Variants in OGA observed in about 807,000 individuals in gnomAD.
OGA encodes O-GlcNAcase.
A neutral mutation model predicts 102.0 loss-of-function variants in OGA; 21 were observed. The observed-to-expected ratio is 0.21, with a 90% CI of 0.15 to 0.30. The LOEUF (loss-of-function observed/expected upper bound fraction) is 0.30. Ranked by LOEUF, OGA falls within the 10% of genes least tolerant of loss-of-function variation. The pLI is 1.00. For synonymous variants in OGA, 408 were observed against 378.2 expected (o/e 1.08, Z -0.91); for missense variants, 765 against 1,107.8 (o/e 0.69, Z 4.39).
Position 101,818,081 on chromosome 10 carries a change from G to C in OGA, c.-59C>G, listed in dbSNP as rs2065666488. 1 of 1,473,102 alleles carries C rather than the reference G, an allele frequency of 6.8e-7. No individual in the cohort carries two copies. The highest frequency in any genetic ancestry group is 2.6e-5 in the East Asian group (1 of 38,956). 91.3% of individuals were successfully genotyped at this position (1,473,102 alleles called of 1,614,324 possible). ...TCCTCCTCGACCTCTGTCCGTTGGG[G>C]CACCGGCCCGGAGCCCTGGAGAGGG... On this transcript the variant is annotated 5_prime_UTR_variant, in exon 1 of 16. Transcript: ENST00000361464.
rs372242564 is a variant in OGA, at chr10:101,807,908, G to GA, written c.481-8dup. 0.05 allele frequency: 56,168 copies of GA among 1,120,720 alleles called. 11 individuals are homozygous for GA. The highest frequency in any genetic ancestry group is 0.054 in the Non-Finnish European group (45,800 of 849,132). 69.4% of individuals were successfully genotyped at this position (1,120,720 alleles called of 1,614,324 possible). On this transcript the variant is annotated splice_polypyrimidine_tract_variant and splice_region_variant and intron_variant, in intron 4 of 15. Coordinates refer to ENST00000361464, the MANE Select transcript of OGA (RefSeq NM_012215.5). ...TGCACCCAAACTGAGAAACCTAGGA[G>GA]AAAAAAAAAAAAAAGAATCAAGAGT...
intron 6 of OGA, among the ~76,000 whole-genome samples, chr10:101,805,824 G>A (rs2065463825): frequency 1.3e-5 from 2 of 152,024 alleles, no homozygotes; most frequent in East Asian, 1.9e-4. Flanking sequence ...GCGTGGTGGC[G>A]GGTGCCTGTA....
At chr10:101,795,866 G>C in intron 10 of OGA, 1 of 961,298 alleles carries the variant, frequency 1.0e-6, no homozygotes, top group Admixed American at 6.2e-5. Flanking sequence ...AACTTGTGTT[G>C]AGCCACAGGC....
intron 3 of OGA, among the ~76,000 whole-genome samples, chr10:101,812,174 C>A (rs1011717512): frequency 4.6e-5 from 7 of 152,146 alleles, no homozygotes; most frequent in Admixed American, 1.3e-4. Flanking sequence ...AAGAAAAGCA[C>A]CTCTCTAATT....
intron 1 of OGA, among the ~76,000 whole-genome samples, chr10:101,814,969 T>C (rs2065603467): frequency 6.6e-6 from 1 of 152,210 alleles, no homozygotes; most frequent in Non-Finnish European, 1.5e-5. Flanking sequence ...GTCTAACCTT[T>C]ACTTTCCACT....
intron 14 of OGA, among the ~76,000 whole-genome samples, chr10:101,790,411 T>G (rs1317822439): frequency 6.6e-6 from 1 of 151,918 alleles, no homozygotes; most frequent in East Asian, 1.9e-4. Context: ...TAGCTGGCAT[T>G]ACAGGCACCC....
intron 5 of OGA, among the ~76,000 whole-genome samples, chr10:101,806,847 G>A (rs954678357): frequency 4.6e-4 from 70 of 152,170 alleles, no homozygotes; most frequent in Non-Finnish European, 1.2e-4. Flanking sequence ...GCTGAAGCGG[G>A]TGGATCACTT....
At chr10:101,792,286 G>T (rs2065269164) in intron 12 of OGA, among the ~76,000 whole-genome samples, 1 of 152,062 alleles carries the variant, frequency 6.6e-6, no homozygotes, top group South Asian at 2.1e-4. Flanking sequence ...GGGATTACAG[G>T]CATGAGCCAC....
chr10:101,807,388 G>A (rs1050594407), intron 5 of OGA, among the ~76,000 whole-genome samples: 1 of 152,090 alleles, frequency 6.6e-6, no homozygotes, highest in African/African-American at 2.4e-5. Context: ...CAGAAAAAGG[G>A]GACAAGTAGG....
intron 12 of OGA, among the ~76,000 whole-genome samples, chr10:101,792,421 G>A (rs2065270332): frequency 1.3e-5 from 2 of 152,292 alleles, no homozygotes; most frequent in South Asian, 4.1e-4. Context: ...GATTACAGAC[G>A]TGAGCCACCG....
chr10:101,787,062 G>A (rs2065199146), intron 15 of OGA, among the ~76,000 whole-genome samples: 1 of 146,478 alleles, frequency 6.8e-6, no homozygotes, highest in Non-Finnish European at 1.5e-5. Flanking sequence ...TTTAAATTAG[G>A]TAGAGATGGG....
chr10:101,817,925 G>C lies in OGA; in HGVS notation c.98C>G (p.Ala33Gly). ...GTTGTCTTCTCCGGGTGCCGGAGCT[G>C]CCGGCGGCTCCAGCGATGCCCCCGC... ...ASAGASLEPP[A>G]APAPGEDNPA... The change falls in exon 1 of 16, where the codon GCA (alanine) becomes GGA (glycine). Residue 33 changes from alanine to glycine, a missense_variant. Ala to Gly is a moderately conservative substitution (Grantham distance 60). Coordinates refer to ENST00000361464, the MANE Select transcript of OGA (RefSeq NM_012215.5). 2 of 1,583,478 alleles carry C rather than the reference G, an allele frequency of 1.3e-6. No homozygotes were observed. The highest frequency in any genetic ancestry group is 1.7e-6 in the Non-Finnish European group (2 of 1,167,186).
At chr10:101,805,993 C>A in intron 6 of OGA, 52 bp downstream of exon 6, 1 of 1,242,210 alleles carries the variant, frequency 8.1e-7, no homozygotes. Flanking sequence ...CAAGCAATTT[C>A]TGCAAGTCCT....
intron 14 of OGA, 94 bp downstream of exon 14, chr10:101,790,802 T>G: frequency 1.1e-6 from 1 of 927,852 alleles, no homozygotes; most frequent in South Asian, 2.0e-5. Flanking sequence ...TGTATCTATG[T>G]ACTTTTCCAT....
At chr10:101,815,961 GAGAAA>G (rs2065617560) in intron 1 of OGA, among the ~76,000 whole-genome samples, 36 of 23,790 alleles carry the variant, frequency 1.5e-3, no homozygotes, top group African/African-American at 7.3e-3. Flanking sequence ...ATCAAAAAGA[GAGAAA>G]AAAAAAAAAA....
At chr10:101,799,819 TCCC>T (rs938489764) in intron 8 of OGA, among the ~76,000 whole-genome samples, 8 of 152,190 alleles carry the variant, frequency 5.3e-5, no homozygotes, top group Non-Finnish European at 1.0e-4. Flanking sequence ...ATTCTCTAGA[TCCC>T]CCAATTTCAT....
At chr10:101,810,346 A>C (rs531020013) in intron 3 of OGA, 32 bp from the exon 4 acceptor site, 3 of 1,574,770 alleles carry the variant, frequency 1.9e-6, no homozygotes, top group African/African-American at 2.7e-5. Flanking sequence ...TTTAGAAAGC[A>C]GAACAGAAAA....
At chr10:101,817,278 T>A (rs1370751021) in intron 1 of OGA, among the ~76,000 whole-genome samples, 1 of 151,994 alleles carries the variant, frequency 6.6e-6, no homozygotes, top group Non-Finnish European at 1.5e-5. Context: ...GTACAGTAGC[T>A]GGGAAAGAGG....
intron 14 of OGA, among the ~76,000 whole-genome samples, chr10:101,788,690 G>C (rs538295062): frequency 6.7e-6 from 1 of 149,844 alleles, no homozygotes; most frequent in Non-Finnish European, 1.5e-5. Flanking sequence ...AGCCGAGATC[G>C]CACCATTGCA....
Sources: allele counts gnomAD v4.1 joint callset (sites outside exome capture counted in the v4.1 genomes callset), GRCh38; gene constraint gnomAD v4.1.1; transcripts MANE v1.5; gene names NCBI Gene and HGNC (gene_info 2026-07-23, HGNC 2026-07-21).